The following MALRD1 variants were observed in gnomAD, a reference collection of about 807,000 sequenced individuals.
MALRD1 encodes the protein MAM and LDL-receptor class A domain-containing protein 1.
In MALRD1, 247 loss-of-function variants were observed where a neutral mutation model predicts 242.1. That is an observed-to-expected ratio of 1.02 (90% CI 0.92 to 1.13). The LOEUF (loss-of-function observed/expected upper bound fraction) is 1.13. MALRD1 is among the 50% of genes most tolerant of loss of function. MALRD1 has a pLI of 0.00. For synonymous variants in MALRD1, 995 were observed against 866.6 expected, an observed-to-expected ratio of 1.15 and a Z score of -2.60; for missense variants, 2,989 against 2,533.1, an observed-to-expected ratio of 1.18 and a Z score of -3.86.
chr10:19,670,067 CACACACACACACACACACACACACAA>C (rs1420344879), intron 36 of MALRD1, among the ~76,000 whole-genome samples: 1 of 39,302 alleles, frequency 2.5e-5, no homozygotes, highest in Non-Finnish European at 4.3e-5. Flanking sequence ...CTCGCACGTG[CACACACACACACACACACACACACAA>C]ACACACACAC....
chr10:19,625,753 T>G (rs754165370), intron 36 of MALRD1, among the ~76,000 whole-genome samples: 2 of 152,166 alleles, frequency 1.3e-5, no homozygotes, highest in Non-Finnish European at 2.9e-5. Flanking sequence ...TACTGAAGAA[T>G]GTTTTTTAAA....
chr10:19,645,527 A>G (rs370531182), intron 36 of MALRD1, among the ~76,000 whole-genome samples: 1 of 152,280 alleles, frequency 6.6e-6, no homozygotes, highest in African/African-American at 2.4e-5. Flanking sequence ...ACACATACAC[A>G]CTGTGGAATA....
intron 28 of MALRD1, among the ~76,000 whole-genome samples, chr10:19,448,306 C>G (rs1281751697): frequency 2.0e-5 from 3 of 152,090 alleles, no homozygotes; most frequent in East Asian, 1.9e-4. Context: ...TAAATCTTCT[C>G]TAGTCTACTT....
chr10:19,177,756 A>G (rs1000713356), intron 14 of MALRD1, among the ~76,000 whole-genome samples: 5 of 152,194 alleles, frequency 3.3e-5, no homozygotes, highest in Admixed American at 3.3e-4. Flanking sequence ...GTGATCGGAC[A>G]AAAGGGTATG....
At chr10:19,459,300 G>T (rs1288571304) in intron 29 of MALRD1, among the ~76,000 whole-genome samples, 1 of 152,132 alleles carries the variant, frequency 6.6e-6, no homozygotes, top group Non-Finnish European at 1.5e-5. Context: ...AGTGAATAAA[G>T]TTGACACTAA....
At chr10:19,552,552 T>G (rs550290476) in intron 32 of MALRD1, among the ~76,000 whole-genome samples, 64 of 150,818 alleles carry the variant, frequency 4.2e-4, no homozygotes, top group Middle Eastern at 3.4e-3. Context: ...TTTTGAATTT[T>G]TGTGTGTGTG....
intron 9 of MALRD1, among the ~76,000 whole-genome samples, chr10:19,135,629 C>G (rs530498527): frequency 1.5e-4 from 23 of 152,284 alleles, no homozygotes; most frequent in African/African-American, 5.5e-4. Context: ...ATGGTAGCCA[C>G]TGATCACATG....
intron 33 of MALRD1, among the ~76,000 whole-genome samples, chr10:19,594,485 G>A (rs1837975109): frequency 6.6e-6 from 1 of 152,020 alleles, no homozygotes; most frequent in Non-Finnish European, 1.5e-5. Context: ...CTCACTACTG[G>A]GTATCTACCC....
chr10:19,257,199 T>G (rs906062459), intron 18 of MALRD1, among the ~76,000 whole-genome samples: 4 of 152,080 alleles, frequency 2.6e-5, no homozygotes, highest in African/African-American at 9.7e-5. Flanking sequence ...ACAGAATCAG[T>G]GTCATGTGAG....
chr10:19,567,418 A>G, intron 32 of MALRD1, 84 bp from the exon 33 acceptor site: 3 of 1,188,938 alleles, frequency 2.5e-6, no homozygotes, highest in East Asian at 2.5e-5. Context: ...ATAGCCAGAG[A>G]TTTCATTCTT....
intron 28 of MALRD1, among the ~76,000 whole-genome samples, chr10:19,450,099 CG>C (rs1351448339): frequency 6.6e-6 from 1 of 152,086 alleles, no homozygotes; most frequent in Non-Finnish European, 1.5e-5. Context: ...GTGCTTTCCC[CG>C]ACCCCTGACC....
intron 21 of MALRD1, among the ~76,000 whole-genome samples, chr10:19,287,295 A>T (rs1034360402): frequency 6.6e-6 from 1 of 152,062 alleles, no homozygotes; most frequent in Non-Finnish European, 1.5e-5. Context: ...AAAAGAATAT[A>T]TAGTCGTTTC....
chr10:19,377,030 A>G (rs1200097807), intron 26 of MALRD1, among the ~76,000 whole-genome samples: 2 of 152,218 alleles, frequency 1.3e-5, no homozygotes, highest in East Asian at 1.9e-4. Flanking sequence ...TATGTGGTAC[A>G]ATTCTTAGAA....
chr10:19,312,400 A>ATATATATATATATATATG (rs1491220851), intron 21 of MALRD1, among the ~76,000 whole-genome samples: 12 of 143,590 alleles, frequency 8.4e-5, no homozygotes, highest in African/African-American at 3.1e-4. Flanking sequence ...ATATATATAT[A>ATATATATATATATATATG]TGTGTATATG....
chr10:19,576,493 A>G (rs1196799824), intron 33 of MALRD1, among the ~76,000 whole-genome samples: 1 of 152,204 alleles, frequency 6.6e-6, no homozygotes, highest in Non-Finnish European at 1.5e-5. Flanking sequence ...TATAATATAG[A>G]GCAAATGGAA....
chr10:19,521,662 G>C (rs1389566146), intron 31 of MALRD1, among the ~76,000 whole-genome samples: 2 of 152,066 alleles, frequency 1.3e-5, no homozygotes, highest in African/African-American at 4.8e-5. Context: ...ATATATTCTA[G>C]TTCTCTTCCA....
intron 31 of MALRD1, among the ~76,000 whole-genome samples, chr10:19,522,485 T>G (rs898271915): frequency 4.6e-5 from 7 of 152,138 alleles, no homozygotes; most frequent in Non-Finnish European, 7.4e-5. Context: ...GTCTTCCTCA[T>G]GATAGTTGAG....
chr10:19,607,810 G>A lies in MALRD1; in HGVS notation c.5978G>A (p.Cys1993Tyr), dbSNP rs1838709776. 5.8e-6 allele frequency: 9 copies of A among 1,549,362 alleles called. No homozygotes were observed. The highest frequency in any genetic ancestry group is 2.0e-5 in the Admixed American group (1 of 50,916). The change falls in exon 35 of 40, where the codon TGT becomes TAT. Residue 1993 changes from cysteine (C) to tyrosine (Y), a missense_variant. Physicochemically the swap from Cys to Tyr is radical, Grantham distance 194. Coordinates refer to ENST00000454679, the MANE Select transcript of MALRD1 (RefSeq NM_001142308.3). ...AGCTGTTCTAATGGAGCTCTGGTGT[G>A]TGCCTCCTCCAACAGCTGTATCCCA... is the stretch of plus-strand genomic sequence containing the variant. ...NKSCSNGALV[C>Y]ASSNSCIPAH... is the part of the protein sequence containing the mutation.
intron 31 of MALRD1, among the ~76,000 whole-genome samples, chr10:19,528,688 A>C (rs1344499928): frequency 6.6e-6 from 1 of 152,212 alleles, no homozygotes; most frequent in African/African-American, 2.4e-5. Flanking sequence ...TTTTCAGTAA[A>C]ATAGCTTTTT....
Sources: allele counts gnomAD v4.1 joint callset (sites outside exome capture counted in the v4.1 genomes callset), GRCh38; gene constraint gnomAD v4.1.1; transcripts MANE v1.5; gene names NCBI Gene and HGNC (gene_info 2026-07-23, HGNC 2026-07-21).